The following CUL3 variants were observed in gnomAD, a reference collection of about 807,000 sequenced individuals.
The protein encoded by CUL3 is cullin-3.
In CUL3, 19 loss-of-function variants were observed where a neutral mutation model predicts 89.1. The observed-to-expected ratio is 0.21, with a 90% CI of 0.15 to 0.31. The LOEUF (loss-of-function observed/expected upper bound fraction) is 0.31. Among genes scored for constraint, CUL3 ranks in the 10% least tolerant of loss-of-function variants. The pLI, the probability that CUL3 is intolerant of heterozygous loss-of-function variation, is 1.00. For missense variants in CUL3, 469 were observed against 942.3 expected, an observed-to-expected ratio of 0.50 and a Z score of 6.58; for synonymous variants, 351 against 308.4, an observed-to-expected ratio of 1.14 and a Z score of -1.45.
chr2:224,499,468 T>C (rs1574630736), intron 11 of CUL3: 1 of 240,090 alleles, frequency 4.2e-6, no homozygotes, highest in East Asian at 9.9e-5. Flanking sequence ...TCAAATACAG[T>C]TTCTTCCCAG....
chr2:224,558,513 G>T (rs1239918901), intron 1 of CUL3, among the ~76,000 whole-genome samples: 1 of 152,064 alleles, frequency 6.6e-6, no homozygotes, highest in Non-Finnish European at 1.5e-5. Context: ...CTGATTTTAT[G>T]CCAATAAAAC....
chr2:224,495,751 G>T lies in CUL3; in HGVS notation c.1842+81C>A, dbSNP rs180979885. 852 of 1,211,920 alleles carry T rather than the reference G, an allele frequency of 7.0e-4. 6 individuals carry two copies. The African/African-American group carries it at 0.012, about 17-fold the overall frequency. 75.1% of individuals were successfully genotyped at this position (1,211,920 alleles called of 1,614,324 possible). ...AAGTACCCAAAGAGACTCTCTAAAG[G>T]TTATTCAAATAAGAAAGACTCAAGT... On this transcript the variant is annotated intron_variant, in intron 13 of 15. Coordinates refer to ENST00000264414, the MANE Select transcript of CUL3 (RefSeq NM_003590.5).
At chr2:224,524,000 G>C (rs1319052817) in intron 3 of CUL3, among the ~76,000 whole-genome samples, 2 of 152,054 alleles carry the variant, frequency 1.3e-5, no homozygotes, top group Admixed American at 1.3e-4. Context: ...TGACAGCTCT[G>C]TACAACAATG....
intron 15 of CUL3, among the ~76,000 whole-genome samples, 181 bp downstream of exon 15, chr2:224,478,019 T>C (rs1008275588): frequency 2.6e-5 from 4 of 152,178 alleles, no homozygotes; most frequent in African/African-American, 9.7e-5. Flanking sequence ...GTTCCGAGAG[T>C]GTGCACATAT....
chr2:224,508,243 CA>C (rs760765857), intron 6 of CUL3, among the ~76,000 whole-genome samples: 11 of 151,902 alleles, frequency 7.2e-5, no homozygotes, highest in South Asian at 2.1e-4. Flanking sequence ...GCAAGATTTA[CA>C]AAGTTTTACT....
chr2:224,489,883 C>T (rs543130855), intron 13 of CUL3, among the ~76,000 whole-genome samples: 1 of 152,286 alleles, frequency 6.6e-6, no homozygotes, highest in African/African-American at 2.4e-5. Flanking sequence ...CGAGCTTCTG[C>T]ACAGCAAGGA....
intron 11 of CUL3, 81 bp from the exon 12 acceptor site, chr2:224,497,930 A>G (rs904157060): frequency 8.3e-6 from 9 of 1,079,764 alleles, no homozygotes; most frequent in Non-Finnish European, 1.3e-5. Context: ...AACATCCCTT[A>G]AACATTTGTG....
chr2:224,498,773 A>C (rs1340086396), intron 11 of CUL3, among the ~76,000 whole-genome samples: 2 of 152,242 alleles, frequency 1.3e-5, no homozygotes, highest in Admixed American at 1.3e-4. Context: ...ACAGTATACA[A>C]GATTAATGGA....
intron 15 of CUL3, among the ~76,000 whole-genome samples, chr2:224,475,093 C>A (rs1403118367): frequency 5.3e-5 from 8 of 152,212 alleles, no homozygotes; most frequent in Admixed American, 3.3e-4. Flanking sequence ...TCTCCGCTCA[C>A]TGCAAGCTCC....
intron 2 of CUL3, among the ~76,000 whole-genome samples, chr2:224,549,798 T>C (rs1052520980): frequency 6.6e-6 from 1 of 152,038 alleles, no homozygotes; most frequent in African/African-American, 2.4e-5. Context: ...CAAAACTAAT[T>C]ATTACTATTT....
At position 224,509,321 on chromosome 2, in the gene CUL3, T is replaced by C. The variant is rs1397596750; in HGVS notation, c.883+2033A>G. ...CTTGACCTCCCCAGCCAGATTCAAA[T>C]GATCCTCTCACCTCAACCTCCCAAG... On this transcript the variant is annotated intron_variant, in intron 6 of 15. Transcript: ENST00000264414. Among the ~76,000 whole-genome samples the C allele has an allele frequency of 4.6e-5, 7 of 152,284 alleles. No individual in the cohort carries two copies. The East Asian group carries it at 1.4e-3, about 29-fold the overall frequency.
intron 1 of CUL3, among the ~76,000 whole-genome samples, chr2:224,572,626 G>A (rs1458766675): frequency 2.9e-5 from 3 of 105,244 alleles, no homozygotes; most frequent in African/African-American, 1.2e-4. Flanking sequence ...GGGTGAGAGT[G>A]AGAGAAAAAA....
At chr2:224,551,627 A>G (rs1694522023) in intron 2 of CUL3, among the ~76,000 whole-genome samples, 1 of 151,742 alleles carries the variant, frequency 6.6e-6, no homozygotes, top group Non-Finnish European at 1.5e-5. Flanking sequence ...TATAGGCGTG[A>G]GCCACTGCAC....
chr2:224,492,746 A>G (rs1350436832), intron 13 of CUL3, among the ~76,000 whole-genome samples: 1 of 152,240 alleles, frequency 6.6e-6, no homozygotes, highest in African/African-American at 2.4e-5. Context: ...GACAGCACGT[A>G]ATAACCCTGG....
intron 10 of CUL3, among the ~76,000 whole-genome samples, chr2:224,502,277 G>A (rs1410172347): frequency 6.6e-6 from 1 of 152,016 alleles, no homozygotes; most frequent in Admixed American, 6.6e-5. Flanking sequence ...AGTGGTACAC[G>A]GTGATTTTAA....
Position 224,472,852 on chromosome 2 carries a change from T to C in CUL3, c.*1393A>G, listed in dbSNP as rs1691180003. On this transcript the variant is annotated 3_prime_UTR_variant, in exon 16 of 16. Coordinates refer to ENST00000264414, the MANE Select transcript of CUL3 (RefSeq NM_003590.5). ...CTTCTGAGACATACATTCTAATAAATGTATCAACAGTACTGATAGTCAACG... is the reference window on the plus strand; with the variant it reads ...CTTCTGAGACATACATTCTAATAAACGTATCAACAGTACTGATAGTCAACG... The C allele has an allele frequency of 4.8e-6, 1 of 210,278 alleles. No homozygotes were observed. The highest frequency in any genetic ancestry group is 5.9e-5 in the Admixed American group (1 of 16,970). 13.0% of individuals were successfully genotyped at this position (210,278 alleles called of 1,614,324 possible). A position where few individuals can be genotyped will look rare whatever the true frequency, so the allele number is the denominator to read the frequency against.
chr2:224,568,019 A>G (rs1695088845), intron 1 of CUL3, among the ~76,000 whole-genome samples: 2 of 152,142 alleles, frequency 1.3e-5, no homozygotes, highest in African/African-American at 4.8e-5. Flanking sequence ...TCACTGTCAC[A>G]GCCCCTCCCC....
intron 10 of CUL3, among the ~76,000 whole-genome samples, chr2:224,500,812 C>T (rs916235546): frequency 6.6e-5 from 10 of 151,742 alleles, no homozygotes; most frequent in Admixed American, 6.6e-4. Context: ...TTAGTAGAGA[C>T]GGGGTTTCTC....
In CUL3 at chr2:224,514,846, TAAAGG is replaced by T. The variant is rs1339918240; in HGVS notation, c.379-79_379-75del. The T allele has an allele frequency of 3.8e-6, 4 of 1,057,946 alleles. No individual in the cohort carries two copies. The East Asian group carries it at 9.9e-5, about 26-fold the overall frequency. The allele number at this position is 1,057,946 out of a possible 1,614,324, so 65.5% of individuals were successfully genotyped here. The stretch of plus-strand genomic sequence containing the variant: ...AATTATTGTGTGCTACAATAACAAA[TAAAGG>T]AAATAAAATTCCAAAAGCAATCATT... On this transcript the variant is annotated intron_variant, in intron 3 of 15. Coordinates refer to ENST00000264414, the MANE Select transcript of CUL3 (RefSeq NM_003590.5).
Sources: gnomAD v4.1 joint callset for allele counts (sites outside exome capture counted in the v4.1 genomes callset) on GRCh38, gnomAD v4.1.1 for gene constraint, MANE v1.5 for transcripts, NCBI Gene and HGNC (gene_info 2026-07-23, HGNC 2026-07-21) for gene names.